MYO9B: variants seen among roughly 807,000 people sequenced by gnomAD.
MYO9B encodes myosin IXB.
MYO9B carries 71 observed loss-of-function variants against 229.5 expected under a neutral mutation model. The ratio of observed to expected loss-of-function variants is 0.31; its 90% CI spans 0.26 to 0.38. The LOEUF (loss-of-function observed/expected upper bound fraction) is 0.38. Ranked by LOEUF, MYO9B falls within the 10% of genes least tolerant of loss-of-function variation. The probability of loss-of-function intolerance (pLI) is 1.00; values close to 1 mark genes in which losing one functional copy is unlikely to be tolerated. For synonymous variants in MYO9B, 1,185 were observed against 1,235.8 expected, an observed-to-expected ratio of 0.96 and a Z score of 0.86; for missense variants, 2,255 against 2,920.5, an observed-to-expected ratio of 0.77 and a Z score of 5.25.
At chr19:17,162,952 C>T (rs994179187) in intron 9 of MYO9B, 36 bp from the exon 10 acceptor site, 25 of 1,596,118 alleles carry the variant, frequency 1.6e-5, no homozygotes, top group Non-Finnish European at 2.1e-5. Flanking sequence ...TCGGGGTGCA[C>T]CTGCGGGCAG....
intron 2 of MYO9B, among the ~76,000 whole-genome samples, chr19:17,105,034 C>G (rs2145046269): frequency 6.6e-6 from 1 of 152,164 alleles, no homozygotes; most frequent in Non-Finnish European, 1.5e-5. Context: ...CCTAAAATTC[C>G]TCCATGCTCC....
At chr19:17,109,104 T>C (rs1240382205) in intron 2 of MYO9B, among the ~76,000 whole-genome samples, 1 of 145,832 alleles carries the variant, frequency 6.9e-6, no homozygotes, top group African/African-American at 2.6e-5. Context: ...TTTCTCTCTG[T>C]CTCCGGGCTG....
At position 17,102,160 on chromosome 19, in the gene MYO9B, T is replaced by C; in HGVS notation, c.443T>C (p.Phe148Ser). Residue 148 changes from phenylalanine to serine, a missense_variant, in exon 2 of 40, where the codon TTT becomes TCT. By Grantham distance (155) the Phe-to-Ser change is radical. Around this residue, in one of 7 missense-constraint regions of MYO9B, gnomAD observed 386 missense variants for 515.2 expected, o/e 0.75. Transcript: ENST00000682292. ...CTCCTGCCACGGCAGCAGGCGGACT[T>C]TGATGACCTGTGTAACCTCCCCGAG... ...RGLLPRQQAD[F>S]DDLCNLPELT... 6.2e-7 allele frequency: 1 copy of C among 1,613,824 alleles called. No individual in the cohort carries two copies. Among genetic ancestry groups the C allele is most frequent in the South Asian group, 1.1e-5 (1 of 91,086 alleles).
At chr19:17,200,183 T>G (rs1174805826) in intron 24 of MYO9B, 110 bp from the exon 25 acceptor site, 1 of 1,367,288 alleles carries the variant, frequency 7.3e-7, no homozygotes, top group Non-Finnish European at 9.9e-7. Flanking sequence ...AGATCCTTTT[T>G]TGAGTCAGGC....
In MYO9B at chr19:17,175,714, C is replaced by A; in HGVS notation, c.2192C>A (p.Ala731Asp). 1 of 1,576,062 alleles carries A rather than the reference C, an allele frequency of 6.3e-7. No homozygotes were observed. Among genetic ancestry groups the A allele is most frequent in the Non-Finnish European group, 8.6e-7 (1 of 1,161,060 alleles). ...QSHPEELPRGASTPSEKLYRD... is the reference protein window; with the variant it reads ...QSHPEELPRGDSTPSEKLYRD... ...CACCCAGAAGAGCTGCCAAGAGGAG[C>A]CAGCACCCCTTCGGAAAAACTTTAC... is the stretch of plus-strand genomic sequence containing the variant. Residue 731 changes from alanine to aspartate, a missense_variant, in exon 14 of 40, where the codon GCC becomes GAC. Ala to Asp is a moderately radical substitution (Grantham distance 126). Coordinates refer to ENST00000682292, the MANE Select transcript of MYO9B (RefSeq NM_004145.4).
Position 17,207,244 on chromosome 19 carries a change from C to T in MYO9B, c.5624C>T (p.Thr1875Met), listed in dbSNP as rs371248514. 17 of 1,593,564 alleles carry T rather than the reference C, an allele frequency of 1.1e-5. No homozygotes were observed. Among genetic ancestry groups the T allele is most frequent in the African/African-American group, 5.4e-5 (4 of 74,520 alleles). ...TSMKDVLKIT[T>M]CVEMLIKEQM... ...ATGAAGGACGTCCTCAAGATCACCA[C>T]GTGAGTGCCCACCCTGCCCCGGAGG... Residue 1875 changes from threonine (T) to methionine (M), a missense_variant and splice_region_variant, in exon 35 of 40, where the codon ACG becomes ATG. Thr to Met is a moderately conservative substitution (Grantham distance 81). Around this residue, in one of 7 missense-constraint regions of MYO9B, gnomAD observed 416 missense variants for 605.5 expected, o/e 0.69. Coordinates refer to ENST00000682292, the MANE Select transcript of MYO9B (RefSeq NM_004145.4).
chr19:17,106,121 A>G (rs2057791009), intron 2 of MYO9B, among the ~76,000 whole-genome samples: 1 of 151,604 alleles, frequency 6.6e-6, no homozygotes, highest in South Asian at 2.1e-4. Context: ...CCTCCCACCC[A>G]AGTAGCTGGA....
chr19:17,081,255 T>A (rs2057531452), intron 1 of MYO9B, among the ~76,000 whole-genome samples: 2 of 152,102 alleles, frequency 1.3e-5, no homozygotes, highest in Non-Finnish European at 2.9e-5. Context: ...CTTAAACTCC[T>A]GACATCAGGT....
intron 1 of MYO9B, among the ~76,000 whole-genome samples, chr19:17,098,905 C>A (rs866357802): frequency 4.1e-5 from 6 of 146,700 alleles, no homozygotes; most frequent in Middle Eastern, 3.8e-3. Flanking sequence ...CAATGCACCC[C>A]AGCCTGGGAA....
intron 2 of MYO9B, among the ~76,000 whole-genome samples, chr19:17,110,849 G>A (rs1397809215): frequency 2.6e-5 from 4 of 152,182 alleles, no homozygotes; most frequent in South Asian, 2.1e-4. Context: ...GGTCCTGAAC[G>A]TGCCACTGCC....
intron 8 of MYO9B, 133 bp from the exon 9 acceptor site, chr19:17,162,217 A>C (rs2072611094): frequency 1.5e-6 from 1 of 669,102 alleles, no homozygotes. Flanking sequence ...AGACAGGAGA[A>C]TCTCTTGAAC....
intron 1 of MYO9B, among the ~76,000 whole-genome samples, chr19:17,077,920 G>A (rs563307911): frequency 2.8e-4 from 42 of 152,206 alleles, no homozygotes; most frequent in Non-Finnish European, 5.6e-4. Flanking sequence ...CCAAAGCTTT[G>A]GAAACTGCAA....
chr19:17,143,828 G>A (rs568923273), intron 2 of MYO9B, among the ~76,000 whole-genome samples: 1 of 152,340 alleles, frequency 6.6e-6, no homozygotes, highest in African/African-American at 2.4e-5. Flanking sequence ...GGCTGAGGCA[G>A]GAGAATCGCT....
intron 5 of MYO9B, 81 bp from the exon 6 acceptor site, chr19:17,154,234 C>T (rs1568276553): frequency 2.1e-6 from 3 of 1,432,296 alleles, no homozygotes; most frequent in Non-Finnish European, 2.9e-6. Context: ...CCCTGCCCCA[C>T]CAGCTCCAGC....
chr19:17,115,257 C>A (rs74253206), intron 2 of MYO9B, among the ~76,000 whole-genome samples: 1 of 152,224 alleles, frequency 6.6e-6, no homozygotes, highest in East Asian at 1.9e-4. Context: ...GGTGCATAAC[C>A]ATGCCCATGC....
intron 2 of MYO9B, among the ~76,000 whole-genome samples, chr19:17,116,463 G>T (rs1342779778): frequency 6.6e-6 from 1 of 152,208 alleles, no homozygotes; most frequent in African/African-American, 2.4e-5. Context: ...AATTAAGCCA[G>T]AGGGCCACCT....
At position 17,162,780 on chromosome 19, in the gene MYO9B, G is replaced by A. The variant is rs542817592; in HGVS notation, c.1537-208G>A. Among the ~76,000 whole-genome samples the A allele has an allele frequency of 2.0e-4, 31 of 152,186 alleles. No individual in the cohort carries two copies. The Middle Eastern group carries it at 0.01, about 50-fold the overall frequency. On this transcript the variant is annotated intron_variant, in intron 9 of 39. Transcript: ENST00000682292. ...CAAGGCTGCAGTGAGCTGTGGTGGCGCCACTGCACTCCAACCTGGGCAACA... is the reference window on the plus strand; with the variant it reads ...CAAGGCTGCAGTGAGCTGTGGTGGCACCACTGCACTCCAACCTGGGCAACA...
At chr19:17,093,034 T>A (rs572501977) in intron 1 of MYO9B, among the ~76,000 whole-genome samples, 2 of 152,282 alleles carry the variant, frequency 1.3e-5, no homozygotes, top group East Asian at 3.9e-4. Context: ...GCATGTGTGA[T>A]TAAGACATGT....
At chr19:17,209,504 G>C (rs2073201488) in intron 35 of MYO9B, 82 bp from the exon 36 acceptor site, 2 of 1,458,808 alleles carry the variant, frequency 1.4e-6, no homozygotes, top group Admixed American at 2.1e-5. Context: ...CTGCCCCCCA[G>C]GCACCAGCTA....
Sources: allele counts gnomAD v4.1 joint callset (sites outside exome capture counted in the v4.1 genomes callset), GRCh38; gene constraint gnomAD v4.1.1; regional missense constraint gnomAD v4.1.1; transcripts MANE v1.5; gene names NCBI Gene and HGNC (gene_info 2026-07-23, HGNC 2026-07-21).